The following AUTS2 variants were observed in gnomAD, a reference collection of about 807,000 sequenced individuals.
AUTS2 encodes the protein autism susceptibility gene 2 protein.
AUTS2 carries 17 observed loss-of-function variants against 112.4 expected under a neutral mutation model. That is an observed-to-expected ratio of 0.15 (90% CI 0.10 to 0.23). The LOEUF is 0.23. Among genes scored for constraint, AUTS2 ranks in the 10% least tolerant of loss-of-function variants. The probability of loss-of-function intolerance (pLI) is 1.00; values close to 1 mark genes in which losing one functional copy is unlikely to be tolerated. For synonymous variants in AUTS2, 751 were observed against 702.7 expected, an observed-to-expected ratio of 1.07 and a Z score of -1.09; for missense variants, 1,510 against 1,701.6, an observed-to-expected ratio of 0.89 and a Z score of 1.98.
chr7:70,278,420 G>A (rs569126887), intron 4 of AUTS2, among the ~76,000 whole-genome samples: 2 of 151,852 alleles, frequency 1.3e-5, no homozygotes, highest in African/African-American at 2.4e-5. Flanking sequence ...TCATCTCTAC[G>A]AAAAGTACAA....
chr7:70,739,450 T>C (rs1026499741), intron 6 of AUTS2, among the ~76,000 whole-genome samples: 10 of 150,706 alleles, frequency 6.6e-5, no homozygotes, highest in Admixed American at 6.6e-4. Flanking sequence ...AAAATGCTGA[T>C]ATTACAGGCA....
chr7:70,069,737 C>T (rs1802669312), intron 2 of AUTS2, among the ~76,000 whole-genome samples: 1 of 149,952 alleles, frequency 6.7e-6, no homozygotes, highest in Non-Finnish European at 1.5e-5. Flanking sequence ...CCAGAGACAC[C>T]TTATTAATGA....
chr7:70,265,177 C>G (rs1327408927), intron 4 of AUTS2, among the ~76,000 whole-genome samples: 3 of 152,110 alleles, frequency 2.0e-5, no homozygotes, highest in African/African-American at 7.2e-5. Flanking sequence ...ATTTTATAAT[C>G]AGCCTCGCTG....
At chr7:70,494,224 G>T (rs1798359316) in intron 5 of AUTS2, among the ~76,000 whole-genome samples, 1 of 152,094 alleles carries the variant, frequency 6.6e-6, no homozygotes, top group Non-Finnish European at 1.5e-5. Flanking sequence ...GATTTTCAAA[G>T]AAACAGATAT....
chr7:70,565,961 C>T (rs1448283899), intron 5 of AUTS2, among the ~76,000 whole-genome samples: 2 of 152,058 alleles, frequency 1.3e-5, no homozygotes, highest in African/African-American at 4.8e-5. Flanking sequence ...ACTACAGAAG[C>T]GTGTATGGAG....
chr7:69,790,923 G>A lies in AUTS2; in HGVS notation c.310-108363G>A, dbSNP rs150775208. Among the ~76,000 whole-genome samples the A allele has an allele frequency of 1.4e-3, 214 of 152,268 alleles. 3 individuals carry two copies. Among genetic ancestry groups the A allele is most frequent in the Admixed American group, 0.012 (180 of 15,304 alleles). ...AAGGAGACCCAACTGGGTTCTATCC[G>A]CACTTAACTGAAACTCAAGTTATTC... is the stretch of plus-strand genomic sequence containing the variant. On this transcript the variant is annotated intron_variant, in intron 1 of 18. Coordinates refer to ENST00000342771, the MANE Select transcript of AUTS2 (RefSeq NM_015570.4).
intron 1 of AUTS2, among the ~76,000 whole-genome samples, chr7:69,868,282 G>A (rs1015195502): frequency 6.6e-6 from 1 of 152,248 alleles, no homozygotes; most frequent in South Asian, 2.1e-4. Context: ...ATTTTGAGGT[G>A]AGAATATTTA....
At chr7:69,952,639 C>T (rs1797070934) in intron 2 of AUTS2, among the ~76,000 whole-genome samples, 1 of 152,038 alleles carries the variant, frequency 6.6e-6, no homozygotes, top group African/African-American at 2.4e-5. Context: ...ATCATGTTTC[C>T]TTGTGTGTTT....
intron 2 of AUTS2, among the ~76,000 whole-genome samples, chr7:69,980,657 T>G (rs1798258452): frequency 6.6e-6 from 1 of 152,126 alleles, no homozygotes; most frequent in Non-Finnish European, 1.5e-5. Context: ...CACATCCTCA[T>G]CCTCTCACCA....
chr7:70,721,462 C>A (rs115187734), intron 6 of AUTS2, among the ~76,000 whole-genome samples: 2,684 of 152,208 alleles, frequency 0.018, 74 homozygotes, highest in African/African-American at 0.061. Context: ...CAATGCCCGG[C>A]TGATTTTTTG....
At chr7:70,435,808 G>A in intron 5 of AUTS2, 27 bp downstream of exon 5, 1 of 1,611,276 alleles carries the variant, frequency 6.2e-7, no homozygotes, top group Non-Finnish European at 8.5e-7. Context: ...CCCATTGTGG[G>A]CACAGCACAT....
At chr7:70,482,869 T>TAC (rs35986288) in intron 5 of AUTS2, among the ~76,000 whole-genome samples, 7,799 of 151,760 alleles carry the variant, frequency 0.051, 309 homozygotes, top group East Asian at 0.17. Context: ...TATATATGTG[T>TAC]ACACACACAC....
At chr7:70,578,935 T>G (rs1440259119) in intron 5 of AUTS2, among the ~76,000 whole-genome samples, 2 of 150,274 alleles carry the variant, frequency 1.3e-5, no homozygotes, top group East Asian at 3.9e-4. Context: ...TCTTTTTTTT[T>G]TTTTGAGAAA....
intron 4 of AUTS2, among the ~76,000 whole-genome samples, chr7:70,152,565 A>G (rs1807503056): frequency 6.6e-6 from 1 of 152,140 alleles, no homozygotes; most frequent in Non-Finnish European, 1.5e-5. Context: ...TGAGATGATA[A>G]TCCACAGGCT....
At chr7:69,840,330 C>T (rs979472616) in intron 1 of AUTS2, among the ~76,000 whole-genome samples, 2 of 152,146 alleles carry the variant, frequency 1.3e-5, no homozygotes, top group Non-Finnish European at 1.5e-5. Context: ...CTCGTCAAGG[C>T]TTGAGCTTAT....
At chr7:70,194,708 T>C (rs958278804) in intron 4 of AUTS2, 2 of 152,210 alleles carry the variant, frequency 1.3e-5, no homozygotes, top group African/African-American at 4.8e-5. Flanking sequence ...AATAACTGTC[T>C]TCAGTGGGTG....
At chr7:69,875,035 CT>C (rs551755692) in intron 1 of AUTS2, among the ~76,000 whole-genome samples, 5,720 of 145,926 alleles carry the variant, frequency 0.039, 125 homozygotes, top group African/African-American at 0.059. Context: ...ACCCCCAACC[CT>C]TTTTTTTTTT....
At chr7:69,608,946 T>C (rs1330780062) in intron 1 of AUTS2, among the ~76,000 whole-genome samples, 2 of 152,254 alleles carry the variant, frequency 1.3e-5, no homozygotes, top group East Asian at 3.8e-4. Flanking sequence ...TTAGGAGGTA[T>C]CCTAAAGTTA....
At chr7:70,741,250 A>G (rs1377074275) in intron 6 of AUTS2, among the ~76,000 whole-genome samples, 1 of 152,034 alleles carries the variant, frequency 6.6e-6, no homozygotes, top group African/African-American at 2.4e-5. Context: ...TTTCCTTAAA[A>G]TCACCATGCT....
Sources: gnomAD v4.1 joint callset for allele counts (sites outside exome capture counted in the v4.1 genomes callset) on GRCh38, gnomAD v4.1.1 for gene constraint, MANE v1.5 for transcripts, NCBI Gene and HGNC (gene_info 2026-07-23, HGNC 2026-07-21) for gene names.